PDE3A: variants seen among roughly 807,000 people sequenced by gnomAD.
The protein encoded by PDE3A is phosphodiesterase 3A, also known as cGMP-inhibited 3',5'-cyclic phosphodiesterase 3A.
Under a neutral mutation model 98.3 loss-of-function variants are expected in PDE3A, and 43 were observed. The ratio of observed to expected loss-of-function variants is 0.44; its 90% CI spans 0.34 to 0.56. PDE3A has a LOEUF of 0.56. PDE3A is among the 20% of genes least tolerant of loss of function. The pLI is 0.01. For missense variants in PDE3A, 1,427 were observed against 1,440.7 expected (o/e 0.99, Z 0.15); for synonymous variants, 663 against 567.9 (o/e 1.17, Z -2.38).
intron 1 of PDE3A, among the ~76,000 whole-genome samples, chr12:20,472,308 T>A (rs764093301): frequency 1.3e-5 from 2 of 152,200 alleles, no homozygotes; most frequent in Non-Finnish European, 2.9e-5. Flanking sequence ...TCTTTCAGGG[T>A]GTTTTCTGTG....
intron 15 of PDE3A, among the ~76,000 whole-genome samples, chr12:20,658,271 A>C (rs1945086646): frequency 6.6e-6 from 1 of 152,312 alleles, no homozygotes; most frequent in East Asian, 1.9e-4. Context: ...TGCCCCATAC[A>C]CTTTTGCCTA....
chr12:20,470,773 T>C (rs1272381264), intron 1 of PDE3A, among the ~76,000 whole-genome samples: 3 of 152,042 alleles, frequency 2.0e-5, no homozygotes, highest in Non-Finnish European at 4.4e-5. Context: ...TGTGTCCTTT[T>C]CCCCCCAACC....
intron 1 of PDE3A, among the ~76,000 whole-genome samples, chr12:20,434,553 A>T (rs1944749920): frequency 6.6e-6 from 1 of 152,162 alleles, no homozygotes; most frequent in African/African-American, 2.4e-5. Context: ...AGCAGCCCTG[A>T]TCCCTGTGCT....
chr12:20,391,225 T>A (rs1350926024), intron 1 of PDE3A, among the ~76,000 whole-genome samples: 1 of 151,672 alleles, frequency 6.6e-6, no homozygotes, highest in African/African-American at 2.4e-5. Context: ...ACTTTGATGT[T>A]TTTCTTGGGT....
At chr12:20,434,382 A>G (rs1390713191) in intron 1 of PDE3A, among the ~76,000 whole-genome samples, 1 of 152,158 alleles carries the variant, frequency 6.6e-6, no homozygotes, top group Non-Finnish European at 1.5e-5. Context: ...TATACAAAGT[A>G]TAGAAAAAAC....
At chr12:20,531,288 A>G (rs189416395) in intron 1 of PDE3A, among the ~76,000 whole-genome samples, 2 of 152,352 alleles carry the variant, frequency 1.3e-5, no homozygotes, top group East Asian at 1.9e-4. Flanking sequence ...ATAAGGCATT[A>G]TAAGTGGTGA....
At chr12:20,510,462 G>T (rs1358091862) in intron 1 of PDE3A, among the ~76,000 whole-genome samples, 1 of 151,982 alleles carries the variant, frequency 6.6e-6, no homozygotes, top group African/African-American at 2.4e-5. Context: ...AAGAAAAATA[G>T]AAAAAGAGAG....
chr12:20,572,726 C>T (rs1942829753), intron 2 of PDE3A, among the ~76,000 whole-genome samples: 1 of 152,024 alleles, frequency 6.6e-6, no homozygotes. Flanking sequence ...AAGAATAACT[C>T]GTTGAGCAGA....
At chr12:20,650,642 G>T (rs762142330) in intron 14 of PDE3A, 42 bp downstream of exon 14, 1 of 1,331,886 alleles carries the variant, frequency 7.5e-7, no homozygotes. Flanking sequence ...TGTACTTACA[G>T]GTTGCTCATG....
chr12:20,624,040 G>T (rs191457805), intron 5 of PDE3A, among the ~76,000 whole-genome samples: 2 of 151,984 alleles, frequency 1.3e-5, no homozygotes, highest in Non-Finnish European at 2.9e-5. Context: ...ATAAATTTAA[G>T]TGTTCTAAAT....
chr12:20,396,689 T>C, intron 1 of PDE3A, among the ~76,000 whole-genome samples: 1 of 152,260 alleles, frequency 6.6e-6, no homozygotes, highest in East Asian at 1.9e-4. Context: ...TAAATTTCTA[T>C]AAATTTAGAT....
At chr12:20,386,297 TA>T (rs113633362) in intron 1 of PDE3A, among the ~76,000 whole-genome samples, 5,652 of 140,186 alleles carry the variant, frequency 0.04, 151 homozygotes, top group African/African-American at 0.07. Flanking sequence ...TATAGTATAA[TA>T]AAAAAATACT....
At chr12:20,414,092 C>T (rs766711747) in intron 1 of PDE3A, among the ~76,000 whole-genome samples, 5 of 152,012 alleles carry the variant, frequency 3.3e-5, no homozygotes, top group Non-Finnish European at 4.4e-5. Context: ...TCTGGAGAGA[C>T]GGCAAAGAGG....
chr12:20,687,914 GAAAAAAAAAA>G lies in PDE3A; in HGVS notation c.*7657_*7666del, dbSNP rs58496505. ...GACCAGTCATTACCTCTTCCCAACA[GAAAAAAAAAA>G]AAAAAAAAAAAAACTGGCATTGGCA... On this transcript the variant is annotated 3_prime_UTR_variant, in exon 16 of 16. Coordinates refer to ENST00000359062, the MANE Select transcript of PDE3A (RefSeq NM_000921.5). Among the ~76,000 whole-genome samples the G allele has an allele frequency of 4.2e-5, 4 of 94,312 alleles. No homozygotes were observed. The highest frequency in any genetic ancestry group is 2.7e-4 in the Admixed American group (2 of 7,538). The allele number at this position is 94,312 out of a possible 152,430, so 61.9% of individuals were successfully genotyped here.
intron 1 of PDE3A, among the ~76,000 whole-genome samples, chr12:20,384,755 C>G (rs767467609): frequency 1.1e-3 from 170 of 152,110 alleles, no homozygotes; most frequent in Middle Eastern, 3.4e-3. Context: ...TTGTTCAGCT[C>G]CCACTTATAA....
intron 8 of PDE3A, among the ~76,000 whole-genome samples, 196 bp from the exon 9 acceptor site, chr12:20,636,904 A>G (rs1944527061): frequency 6.6e-6 from 1 of 152,176 alleles, no homozygotes; most frequent in Non-Finnish European, 1.5e-5. Flanking sequence ...CTGAAATGGC[A>G]TTTGTTCCTT....
At chr12:20,471,130 A>G (rs375758612) in intron 1 of PDE3A, among the ~76,000 whole-genome samples, 1 of 149,414 alleles carries the variant, frequency 6.7e-6, no homozygotes, top group South Asian at 2.1e-4. Flanking sequence ...TTGAGCTGAC[A>G]TGCCCATTCC....
chr12:20,616,107 A>T (rs1943999313), intron 3 of PDE3A, 123 bp from the exon 4 acceptor site: 1 of 774,338 alleles, frequency 1.3e-6, no homozygotes, highest in South Asian at 2.4e-5. Context: ...TAGATAGGTG[A>T]TATTAAACCA....
intron 2 of PDE3A, among the ~76,000 whole-genome samples, chr12:20,568,835 G>A (rs537105635): frequency 6.6e-6 from 1 of 151,966 alleles, no homozygotes; most frequent in South Asian, 2.1e-4. Flanking sequence ...TAGAGAATAT[G>A]GATAAAGAAG....
Sources: allele counts gnomAD v4.1 joint callset (sites outside exome capture counted in the v4.1 genomes callset), GRCh38; gene constraint gnomAD v4.1.1; transcripts MANE v1.5; gene names NCBI Gene and HGNC (gene_info 2026-07-23, HGNC 2026-07-21).